Variants in RYR2 observed in about 807,000 individuals in gnomAD.
RYR2 encodes cardiac muscle ryanodine receptor-calcium release channel.
Under a neutral mutation model 601.1 loss-of-function variants are expected in RYR2, and 227 were observed. The ratio of observed to expected loss-of-function variants is 0.38; its 90% CI spans 0.34 to 0.42. The LOEUF (loss-of-function observed/expected upper bound fraction) is 0.42. RYR2 is among the 10% of genes least tolerant of loss of function. RYR2 has a pLI of 1.00. For synonymous variants in RYR2, 2,223 were observed against 2,175.1 expected (o/e 1.02, Z -0.61); for missense variants, 4,646 against 6,156.5 (o/e 0.75, Z 8.21).
intron 1 of RYR2, among the ~76,000 whole-genome samples, chr1:237,123,753 C>T (rs890803290): frequency 5.3e-5 from 8 of 150,058 alleles, no homozygotes; most frequent in Non-Finnish European, 1.0e-4. Context: ...CTGCAAGCTC[C>T]GCTTCCCGGG....
At chr1:237,110,241 G>T (rs1442067565) in intron 1 of RYR2, among the ~76,000 whole-genome samples, 1 of 150,278 alleles carries the variant, frequency 6.7e-6, no homozygotes, top group Non-Finnish European at 1.5e-5. Flanking sequence ...GATTAGGTGG[G>T]TCTGAGGTGG....
chr1:237,808,669 C>CAAAATAAAAT (rs878966941), intron 99 of RYR2, among the ~76,000 whole-genome samples: 3 of 139,220 alleles, frequency 2.2e-5, no homozygotes, highest in Non-Finnish European at 3.1e-5. Context: ...AAAAAAAAAA[C>CAAAATAAAAT]AAAATAAAAT....
chr1:237,507,846 A>C (rs1207019041), intron 23 of RYR2, among the ~76,000 whole-genome samples: 1 of 152,262 alleles, frequency 6.6e-6, no homozygotes, highest in Non-Finnish European at 1.5e-5. Flanking sequence ...ACTGCAAGTC[A>C]CTGTAAGGCT....
chr1:237,049,894 C>T (rs1360917175), intron 1 of RYR2, among the ~76,000 whole-genome samples: 1 of 152,214 alleles, frequency 6.6e-6, no homozygotes, highest in African/African-American at 2.4e-5. Flanking sequence ...ACTTCTCTGG[C>T]TTCCATAGTT....
At chr1:237,814,549 G>A (rs546475082) in intron 100 of RYR2, among the ~76,000 whole-genome samples, 197 of 125,242 alleles carry the variant, frequency 1.6e-3, no homozygotes, top group African/African-American at 7.4e-3. Flanking sequence ...ACAAGTCACA[G>A]GGGGATTTTT....
intron 1 of RYR2, among the ~76,000 whole-genome samples, chr1:237,074,881 T>G (rs1442622838): frequency 6.6e-6 from 1 of 152,206 alleles, no homozygotes; most frequent in Non-Finnish European, 1.5e-5. Flanking sequence ...GTTAGGTTGA[T>G]GAGTCACCGA....
chr1:237,116,472 A>C (rs2148618697), intron 1 of RYR2, among the ~76,000 whole-genome samples: 1 of 152,310 alleles, frequency 6.6e-6, no homozygotes, highest in Non-Finnish European at 1.5e-5. Context: ...AATCAGAAGC[A>C]ATTGAAACAG....
intron 5 of RYR2, among the ~76,000 whole-genome samples, chr1:237,367,396 A>G (rs28666737): frequency 1.6e-5 from 1 of 63,662 alleles, no homozygotes; most frequent in African/African-American, 6.6e-5. Flanking sequence ...CTGGCCCCCC[A>G]AAAAAAGTGG....
At chr1:237,810,702 C>G (rs1402343181) in intron 100 of RYR2, among the ~76,000 whole-genome samples, 1 of 152,032 alleles carries the variant, frequency 6.6e-6, no homozygotes, top group African/African-American at 2.4e-5. Flanking sequence ...TCTAAATGAT[C>G]ATTAGTAGTG....
chr1:237,166,323 T>A (rs1394007597), intron 1 of RYR2, among the ~76,000 whole-genome samples: 1 of 152,222 alleles, frequency 6.6e-6, no homozygotes, highest in African/African-American at 2.4e-5. Flanking sequence ...AACAGATACT[T>A]TCTGCATGAG....
In RYR2 at chr1:237,106,392, G is replaced by A. The variant is rs139093602; in HGVS notation, c.48+63823G>A. 4.6e-4 allele frequency among the ~76,000 whole-genome samples: 70 copies of A among 152,296 alleles called. No homozygotes were observed. Among genetic ancestry groups the A allele is most frequent in the African/African-American group, 1.7e-3 (69 of 41,562 alleles). On this transcript the variant is annotated intron_variant, in intron 1 of 104. Transcript: ENST00000366574. This position sits in a 1 kb window ranked among gnomAD's most constrained non-coding sequence, Gnocchi z 4.4. ...GATATTTTTTTGGACATAGAGCCAG[G>A]AGGATTTCCTCATGGTTCTGATGAG... is the stretch of plus-strand genomic sequence containing the variant.
chr1:237,715,560 C>T (rs755813785), intron 71 of RYR2, among the ~76,000 whole-genome samples: 1 of 152,068 alleles, frequency 6.6e-6, no homozygotes, highest in Non-Finnish European at 1.5e-5. Flanking sequence ...ATTATAAGCT[C>T]ACAAATATTT....
intron 27 of RYR2, among the ~76,000 whole-genome samples, chr1:237,553,992 T>C (rs1670647391): frequency 6.6e-6 from 1 of 151,964 alleles, no homozygotes; most frequent in African/African-American, 2.4e-5. Flanking sequence ...TTACAATTGG[T>C]ATAGCTTTTT....
intron 66 of RYR2, 60 bp downstream of exon 66, chr1:237,702,119 A>G (rs763522224): frequency 5.3e-6 from 5 of 934,802 alleles, no homozygotes; most frequent in African/African-American, 1.7e-5. Context: ...ATAACTATTT[A>G]TTTCAAGAAT....
intron 92 of RYR2, among the ~76,000 whole-genome samples, chr1:237,788,977 A>C (rs1658003202): frequency 6.6e-6 from 1 of 151,332 alleles, no homozygotes; most frequent in Admixed American, 6.6e-5. Context: ...AAAATTAAAC[A>C]TATGTGTATA....
intron 1 of RYR2, among the ~76,000 whole-genome samples, chr1:237,099,118 C>T (rs111567070): frequency 1.4e-5 from 2 of 141,884 alleles, no homozygotes; most frequent in African/African-American, 6.2e-5. Context: ...AAAAAAAAAA[C>T]CCAGGAAATT....
intron 24 of RYR2, among the ~76,000 whole-genome samples, chr1:237,518,710 G>A (rs561379765): frequency 4.1e-4 from 62 of 152,250 alleles, no homozygotes; most frequent in African/African-American, 1.4e-3. Context: ...GAATAGTGCC[G>A]CAATAAACAT....
chr1:237,517,199 G>C (rs1247878337), intron 24 of RYR2, among the ~76,000 whole-genome samples: 1 of 151,918 alleles, frequency 6.6e-6, no homozygotes, highest in East Asian at 1.9e-4. Context: ...CCTTTGCCTG[G>C]AAAATTCTTC....
Position 237,437,145 on chromosome 1 carries a change from C to T in RYR2, c.1006-4174C>T, listed in dbSNP as rs1001206066. ...CTGCAAGCTCTGCCTCCTGGGTTCACGCCATTCTCCTGCCTCAGCCTCCCA... is the reference window on the plus strand; with the variant it reads ...CTGCAAGCTCTGCCTCCTGGGTTCATGCCATTCTCCTGCCTCAGCCTCCCA... On this transcript the variant is annotated intron_variant, in intron 12 of 104. Coordinates refer to ENST00000366574, the MANE Select transcript of RYR2 (RefSeq NM_001035.3). Among the ~76,000 whole-genome samples the T allele has an allele frequency of 6.6e-5, 10 of 151,804 alleles. 1 individual carries two copies. Among genetic ancestry groups the T allele is most frequent in the South Asian group, 4.1e-4 (2 of 4,822 alleles).
Sources: allele counts gnomAD v4.1 joint callset (sites outside exome capture counted in the v4.1 genomes callset), GRCh38; gene constraint gnomAD v4.1.1; non-coding constraint Gnocchi (gnomAD v3.1); transcripts MANE v1.5; gene names NCBI Gene and HGNC (gene_info 2026-07-23, HGNC 2026-07-21).